Variants in LRCH1 observed in about 807,000 individuals in gnomAD.
The protein encoded by LRCH1 is leucine-rich repeat and calponin homology domain-containing protein 1.
In LRCH1, 23 loss-of-function variants were observed where a neutral mutation model predicts 94.9. The observed-to-expected ratio is 0.24, with a 90% CI of 0.17 to 0.34. The LOEUF is 0.34. Ranked by LOEUF, LRCH1 falls within the 10% of genes least tolerant of loss-of-function variation. The pLI is 1.00. For missense variants in LRCH1, 790 were observed against 945.9 expected (o/e 0.84, Z 2.16); for synonymous variants, 364 against 354.9 (o/e 1.03, Z -0.29).
chr13:46,713,613 A>G (rs1424970103), intron 15 of LRCH1, among the ~76,000 whole-genome samples: 1 of 152,254 alleles, frequency 6.6e-6, no homozygotes, highest in Non-Finnish European at 1.5e-5. Flanking sequence ...CATTTGAGAA[A>G]GTGCTTGAGT....
At chr13:46,724,096 C>T (rs899694997) in intron 17 of LRCH1, among the ~76,000 whole-genome samples, 1 of 152,190 alleles carries the variant, frequency 6.6e-6, no homozygotes, top group South Asian at 2.1e-4. Context: ...TAAAGTGATC[C>T]TCCCACCTCA....
chr13:46,693,133 G>A (rs892947275), intron 8 of LRCH1, among the ~76,000 whole-genome samples: 4 of 151,850 alleles, frequency 2.6e-5, no homozygotes, highest in East Asian at 1.9e-4. Context: ...CACCATGCCC[G>A]GCTAATTCTT....
At chr13:46,720,527 C>T (rs1762572954) in intron 16 of LRCH1, among the ~76,000 whole-genome samples, 3 of 152,178 alleles carry the variant, frequency 2.0e-5, no homozygotes, top group Admixed American at 2.0e-4. Context: ...AATACATGCT[C>T]ACAGTGGGGG....
intron 1 of LRCH1, among the ~76,000 whole-genome samples, chr13:46,640,946 C>G (rs1454683974): frequency 6.6e-6 from 1 of 152,202 alleles, no homozygotes; most frequent in Admixed American, 6.5e-5. Flanking sequence ...GATCTTGACT[C>G]ACTCAAAACT....
At chr13:46,725,793 C>T (rs1872785707) in intron 17 of LRCH1, among the ~76,000 whole-genome samples, 2 of 152,216 alleles carry the variant, frequency 1.3e-5, no homozygotes, top group Non-Finnish European at 2.9e-5. Flanking sequence ...AAACCTCTGT[C>T]ATTTGCCTGG....
At chr13:46,682,954 G>A (rs2138144704) in intron 4 of LRCH1, among the ~76,000 whole-genome samples, 1 of 152,340 alleles carries the variant, frequency 6.6e-6, no homozygotes, top group South Asian at 2.1e-4. Flanking sequence ...GTTTGGACCT[G>A]GATCAGGAAT....
chr13:46,748,564 A>G (rs951597062), downstream of LRCH1, among the ~76,000 whole-genome samples: 1 of 152,154 alleles, frequency 6.6e-6, no homozygotes, highest in African/African-American at 2.4e-5. Flanking sequence ...GAGGCTGGAC[A>G]CTGTCATCAG....
chr13:46,662,728 G>A (rs1038280475), intron 2 of LRCH1, among the ~76,000 whole-genome samples: 2 of 152,182 alleles, frequency 1.3e-5, no homozygotes, highest in African/African-American at 4.8e-5. Flanking sequence ...AATATTTTAA[G>A]CAGTGGTTTA....
intron 1 of LRCH1, among the ~76,000 whole-genome samples, chr13:46,559,780 T>A (rs1174573469): frequency 6.6e-6 from 1 of 152,246 alleles, no homozygotes; most frequent in Non-Finnish European, 1.5e-5. Context: ...TGTCAGTCAC[T>A]GCAACATCTG....
chr13:46,560,224 C>T (rs2050115765), intron 1 of LRCH1, among the ~76,000 whole-genome samples: 2 of 147,646 alleles, frequency 1.4e-5, no homozygotes, highest in South Asian at 2.2e-4. Flanking sequence ...AGGTGTGGTA[C>T]TGCATGTGCT....
intron 2 of LRCH1, among the ~76,000 whole-genome samples, chr13:46,652,682 C>T (rs1377394882): frequency 6.6e-6 from 1 of 152,116 alleles, no homozygotes; most frequent in Non-Finnish European, 1.5e-5. Context: ...CCAACATATA[C>T]AGGGGAAAGC....
At chr13:46,649,788 C>T (rs1157081892) in intron 1 of LRCH1, among the ~76,000 whole-genome samples, 1 of 149,288 alleles carries the variant, frequency 6.7e-6, no homozygotes, top group African/African-American at 2.5e-5. Context: ...GAAATCGTGC[C>T]ACTGCAGTCT....
At chr13:46,687,208 C>G (rs1314015321) in intron 5 of LRCH1, among the ~76,000 whole-genome samples, 1 of 152,130 alleles carries the variant, frequency 6.6e-6, no homozygotes, top group Non-Finnish European at 1.5e-5. Flanking sequence ...ATCTGCCCGC[C>G]TTGGCCTCCC....
intron 11 of LRCH1, among the ~76,000 whole-genome samples, chr13:46,702,331 G>A (rs886372824): frequency 3.9e-5 from 6 of 152,054 alleles, no homozygotes; most frequent in African/African-American, 1.4e-4. Context: ...GTGAAACCCT[G>A]TCTGTACTAA....
At chr13:46,685,712 A>G (rs967731582) in intron 4 of LRCH1, among the ~76,000 whole-genome samples, 193 bp from the exon 5 acceptor site, 8 of 152,212 alleles carry the variant, frequency 5.3e-5, no homozygotes, top group African/African-American at 1.9e-4. Flanking sequence ...GGGGCATGCA[A>G]TAAAAGATTT....
intron 1 of LRCH1, among the ~76,000 whole-genome samples, chr13:46,564,949 G>A (rs953110425): frequency 3.3e-5 from 5 of 152,186 alleles, no homozygotes; most frequent in East Asian, 1.9e-4. Flanking sequence ...CTTCAGTCAC[G>A]TAGATAATTG....
At chr13:46,666,244 G>C (rs773804439) in intron 2 of LRCH1, among the ~76,000 whole-genome samples, 1 of 152,192 alleles carries the variant, frequency 6.6e-6, no homozygotes, top group Non-Finnish European at 1.5e-5. Context: ...AAAAGCATCC[G>C]TTCCCCTCAA....
intron 1 of LRCH1, among the ~76,000 whole-genome samples, chr13:46,591,540 T>C (rs1290485395): frequency 6.6e-6 from 1 of 152,236 alleles, no homozygotes; most frequent in Non-Finnish European, 1.5e-5. Context: ...TTAGGTATCA[T>C]TTATTCAGTG....
At chr13:46,687,184 C>T (rs1870665446) in intron 5 of LRCH1, among the ~76,000 whole-genome samples, 1 of 152,056 alleles carries the variant, frequency 6.6e-6, no homozygotes, top group Non-Finnish European at 1.5e-5. Flanking sequence ...CTCTCTAATT[C>T]CTGACCCCCA....
Sources: allele counts gnomAD v4.1 joint callset (sites outside exome capture counted in the v4.1 genomes callset), GRCh38; gene constraint gnomAD v4.1.1; transcripts MANE v1.5; gene names NCBI Gene and HGNC (gene_info 2026-07-23, HGNC 2026-07-21).